PIN4: variants seen among roughly 807,000 people sequenced by gnomAD.
PIN4 encodes the protein peptidylprolyl cis/trans isomerase, NIMA-interacting 4.
A neutral mutation model predicts 8.3 loss-of-function variants in PIN4; 3 were observed. That is an observed-to-expected ratio of 0.36 (90% CI 0.16 to 0.93). The LOEUF is 0.93. Ranked by LOEUF, PIN4 falls within the 40% of genes least tolerant of loss-of-function variation. The pLI, the probability that PIN4 is intolerant of heterozygous loss-of-function variation, is 0.44. For missense variants in PIN4, 75 were observed against 100.6 expected, an observed-to-expected ratio of 0.75 and a Z score of 1.09; for synonymous variants, 18 against 32.5, an observed-to-expected ratio of 0.55 and a Z score of 1.52.
At chrX:72,251,287 C>T (rs1338962807) in intron 3 of PIN4, among the ~76,000 whole-genome samples, 2 of 99,797 alleles carry the variant, frequency 2.0e-5, no homozygotes, top group Admixed American at 1.1e-4. Context: ...GGCCTGAACT[C>T]GGGAGGTGGA....
chrX:72,183,358 T>C (rs2042683286), intron 1 of PIN4, among the ~76,000 whole-genome samples: 1 of 111,622 alleles, frequency 9.0e-6, no homozygotes, highest in African/African-American at 3.3e-5. Context: ...CGCTAACTTA[T>C]AGATGGTAGT....
At chrX:72,207,081 A>T in intron 3 of PIN4, 1 of 1,211,939 alleles carries the variant, frequency 8.3e-7, no homozygotes, top group Non-Finnish European at 1.1e-6. Context: ...CTTGAGCATC[A>T]GTTGCAGGAT....
chrX:72,241,380 A>G (rs780593874), intron 3 of PIN4, among the ~76,000 whole-genome samples: 4 of 111,590 alleles, frequency 3.6e-5, no homozygotes, highest in Non-Finnish European at 7.5e-5. Flanking sequence ...GTAAGGACAC[A>G]CTATTCCTTC....
downstream of PIN4, among the ~76,000 whole-genome samples, chrX:72,202,854 TAATAAA>T (rs1304748590): frequency 8.9e-6 from 1 of 111,884 alleles, no homozygotes; most frequent in Non-Finnish European, 1.9e-5. Context: ...GTATGGGATA[TAATAAA>T]AATAAATATT....
At chrX:72,261,176 T>C (rs1212253794) in intron 3 of PIN4, among the ~76,000 whole-genome samples, 1 of 109,082 alleles carries the variant, frequency 9.2e-6, no homozygotes, top group East Asian at 2.9e-4. Flanking sequence ...GCACCTGCAA[T>C]CCCAGCTACT....
chrX:72,196,640 T>C (rs1838151592), intron 2 of PIN4, 145 bp from the exon 3 acceptor site: 2 of 445,990 alleles, frequency 4.5e-6, no homozygotes, highest in African/African-American at 2.5e-5. Context: ...GTGGTTGTTG[T>C]CCTGGGCAAA....
chrX:72,261,837 C>A (rs976562615), intron 3 of PIN4, among the ~76,000 whole-genome samples: 1 of 111,656 alleles, frequency 9.0e-6, no homozygotes, highest in African/African-American at 3.3e-5. Context: ...ATCTCTCCAG[C>A]CTCGCCTCTC....
intron 3 of PIN4, among the ~76,000 whole-genome samples, chrX:72,221,802 C>T (rs1476704451): frequency 9.1e-6 from 1 of 110,277 alleles, no homozygotes; most frequent in Non-Finnish European, 1.9e-5. Context: ...CTATGTCAAG[C>T]TTGCACCCCT....
At chrX:72,232,416 C>CAAA (rs11302655) in intron 3 of PIN4, among the ~76,000 whole-genome samples, 1 of 35,067 alleles carries the variant, frequency 2.9e-5, no homozygotes, top group African/African-American at 1.1e-4. Context: ...AGACCTGCCT[C>CAAA]AAAAAAAAAA....
At chrX:72,185,037 G>T (rs925481431) in intron 1 of PIN4, among the ~76,000 whole-genome samples, 1 of 106,479 alleles carries the variant, frequency 9.4e-6, no homozygotes, top group Non-Finnish European at 1.9e-5. Flanking sequence ...CCAGCTACTC[G>T]GGAGGCTGAG....
chrX:72,194,701 CAAAAAAAA>C (rs56123643), intron 2 of PIN4, among the ~76,000 whole-genome samples: 1 of 50,142 alleles, frequency 2.0e-5, no homozygotes, highest in Non-Finnish European at 4.4e-5. Context: ...AACTCCATCT[CAAAAAAAA>C]AAAAAAAAAA....
At chrX:72,187,274 G>T (rs1056100582) in intron 2 of PIN4, among the ~76,000 whole-genome samples, 10 of 112,089 alleles carry the variant, frequency 8.9e-5, no homozygotes, top group Non-Finnish European at 1.9e-4. Context: ...GAGAAAATCA[G>T]CAAATAATTA....
intron 3 of PIN4, among the ~76,000 whole-genome samples, chrX:72,232,416 CAAAAA>C (rs11302655): frequency 1.6e-3 from 57 of 35,080 alleles, no homozygotes; most frequent in Non-Finnish European, 2.6e-3. Flanking sequence ...AGACCTGCCT[CAAAAA>C]AAAAAAAAAA....
intron 3 of PIN4, among the ~76,000 whole-genome samples, chrX:72,246,008 C>T (rs1404910711): frequency 9.0e-6 from 1 of 111,715 alleles, no homozygotes; most frequent in Admixed American, 9.5e-5. Flanking sequence ...CAAGGCCTCA[C>T]AATTCTGTCT....
chrX:72,205,503 G>A (rs969727890), intron 3 of PIN4: 1 of 1,211,344 alleles, frequency 8.3e-7, no homozygotes, highest in Admixed American at 2.2e-5. Flanking sequence ...ATCTTCTAGA[G>A]TTCATAGACT....
At chrX:72,214,485 C>A (rs1277522918) in intron 3 of PIN4, among the ~76,000 whole-genome samples, 3 of 110,054 alleles carry the variant, frequency 2.7e-5, no homozygotes, top group Non-Finnish European at 5.7e-5. Flanking sequence ...ACCAGCCTGG[C>A]CAACATGGTG....
intron 1 of PIN4, among the ~76,000 whole-genome samples, chrX:72,183,888 G>C (rs144010482): frequency 2.0e-3 from 217 of 111,211 alleles, no homozygotes; most frequent in African/African-American, 7.0e-3. Context: ...TGAGGTCATA[G>C]GAAAGGAGAT....
chrX:72,195,808 C>T (rs980069793), intron 2 of PIN4, among the ~76,000 whole-genome samples: 4 of 111,212 alleles, frequency 3.6e-5, no homozygotes, highest in African/African-American at 1.3e-4. Flanking sequence ...TGGAGAAACA[C>T]TTGGAGGTTT....
intron 3 of PIN4, chrX:72,208,242 G>C (rs753051049): frequency 1.7e-6 from 2 of 1,211,704 alleles, no homozygotes; most frequent in Non-Finnish European, 2.2e-6. Flanking sequence ...GACCATGAAA[G>C]GTTTTGACTC....
Sources: allele counts gnomAD v4.1 joint callset (sites outside exome capture counted in the v4.1 genomes callset), GRCh38; gene constraint gnomAD v4.1.1; transcripts MANE v1.5; gene names NCBI Gene and HGNC (gene_info 2026-07-23, HGNC 2026-07-21).